Variants in AFF3 observed in about 807,000 individuals in gnomAD.
AFF3 encodes ALF transcription elongation factor 3.
Under a neutral mutation model 129.7 loss-of-function variants are expected in AFF3, and 32 were observed. The ratio of observed to expected loss-of-function variants is 0.25; its 90% CI spans 0.19 to 0.33. The LOEUF is 0.33. AFF3 is among the 10% of genes least tolerant of loss of function. AFF3 has a pLI of 1.00. For missense variants in AFF3, 1,373 were observed against 1,592.0 expected (o/e 0.86, Z 2.34); for synonymous variants, 644 against 635.4 (o/e 1.01, Z -0.20).
chr2:100,140,610 C>A (rs13008652), intron 1 of AFF3, among the ~76,000 whole-genome samples: 1 of 152,096 alleles, frequency 6.6e-6, no homozygotes, highest in Non-Finnish European at 1.5e-5. Flanking sequence ...TGTAAAATGC[C>A]GAGCACCACG....
At chr2:99,901,930 C>T in intron 7 of AFF3, among the ~76,000 whole-genome samples, 1 of 151,468 alleles carries the variant, frequency 6.6e-6, no homozygotes, top group African/African-American at 2.4e-5. Flanking sequence ...CTTTCAGCTC[C>T]TGTCACAACT....
chr2:100,106,986 G>A (rs1691332290), intron 2 of AFF3: 1 of 985,282 alleles, frequency 1.0e-6, no homozygotes, highest in African/African-American at 1.7e-5. Context: ...TTAAACTCTG[G>A]TGCCTTGTGT....
chr2:99,685,585 A>T (rs1674977713), intron 11 of AFF3, among the ~76,000 whole-genome samples: 1 of 152,260 alleles, frequency 6.6e-6, no homozygotes, highest in Admixed American at 6.5e-5. Context: ...ATATAAAAAA[A>T]GAGTAAAACT....
intron 11 of AFF3, among the ~76,000 whole-genome samples, chr2:99,711,180 A>T (rs1036933490): frequency 3.3e-5 from 5 of 151,956 alleles, no homozygotes; most frequent in Non-Finnish European, 5.9e-5. Flanking sequence ...CTTCCTTAAC[A>T]TCTCTCCCGT....
chr2:99,745,255 T>TA (rs1681057846), intron 9 of AFF3, among the ~76,000 whole-genome samples: 2 of 152,308 alleles, frequency 1.3e-5, no homozygotes, highest in African/African-American at 4.8e-5. Flanking sequence ...GAGTTCTTGA[T>TA]ATAGTTTGGA....
At chr2:99,887,159 G>A (rs1293254557) in intron 7 of AFF3, among the ~76,000 whole-genome samples, 1 of 152,180 alleles carries the variant, frequency 6.6e-6, no homozygotes, top group Non-Finnish European at 1.5e-5. Context: ...AATCCTCTCT[G>A]TCATGTTCAA....
At chr2:99,849,932 T>C (rs919921695) in intron 7 of AFF3, among the ~76,000 whole-genome samples, 1 of 152,242 alleles carries the variant, frequency 6.6e-6, no homozygotes, top group African/African-American at 2.4e-5. Context: ...GTGTTCAGCA[T>C]GTCCTATATG....
At chr2:99,746,489 A>G (rs1369544860) in intron 9 of AFF3, among the ~76,000 whole-genome samples, 1 of 152,222 alleles carries the variant, frequency 6.6e-6, no homozygotes, top group Non-Finnish European at 1.5e-5. Flanking sequence ...CACTCTATTA[A>G]ACAGCCTGAG....
chr2:99,742,689 T>C (rs1680817193), intron 10 of AFF3, among the ~76,000 whole-genome samples: 1 of 152,204 alleles, frequency 6.6e-6, no homozygotes, highest in African/African-American at 2.4e-5. Context: ...ATTCTAGCTG[T>C]CATTTTTTTA....
intron 4 of AFF3, among the ~76,000 whole-genome samples, chr2:100,068,127 C>T (rs868850606): frequency 1.3e-5 from 2 of 152,184 alleles, no homozygotes; most frequent in African/African-American, 4.8e-5. Context: ...GGAATTGAGA[C>T]GCCAGCTCGC....
intron 11 of AFF3, among the ~76,000 whole-genome samples, chr2:99,697,503 G>A (rs1676408495): frequency 6.6e-6 from 1 of 152,242 alleles, no homozygotes; most frequent in Admixed American, 6.5e-5. Flanking sequence ...GTGAGGAAGA[G>A]CAATTTGTAA....
At chr2:99,647,046 T>C (rs1684758650) in intron 13 of AFF3, among the ~76,000 whole-genome samples, 1 of 152,180 alleles carries the variant, frequency 6.6e-6, no homozygotes, top group Admixed American at 6.5e-5. Context: ...TTGTACACTG[T>C]TGGTGGGAGT....
chr2:99,767,183 A>G (rs1683086415), intron 8 of AFF3, among the ~76,000 whole-genome samples: 1 of 152,254 alleles, frequency 6.6e-6, no homozygotes, highest in African/African-American at 2.4e-5. Flanking sequence ...AAAGCAGAAT[A>G]CAACAGACAT....
At chr2:99,766,172 C>A (rs543188066) in intron 8 of AFF3, among the ~76,000 whole-genome samples, 2 of 152,204 alleles carry the variant, frequency 1.3e-5, no homozygotes. Context: ...CAAGAATAAA[C>A]CCTGGAAACT....
chr2:99,668,075 G>A (rs915219439), intron 12 of AFF3, among the ~76,000 whole-genome samples: 4 of 151,948 alleles, frequency 2.6e-5, no homozygotes, highest in African/African-American at 4.8e-5. Flanking sequence ...GGCGAATGGC[G>A]TGAACCCAGG....
intron 8 of AFF3, among the ~76,000 whole-genome samples, chr2:99,821,251 C>T (rs1003581114): frequency 9.2e-5 from 14 of 152,142 alleles, no homozygotes; most frequent in African/African-American, 2.7e-4. Context: ...GACAACAATG[C>T]CATCTTCTGG....
intron 13 of AFF3, among the ~76,000 whole-genome samples, chr2:99,616,248 G>A (rs897581056): frequency 2.2e-4 from 33 of 152,036 alleles, no homozygotes; most frequent in African/African-American, 7.2e-4. Flanking sequence ...TTTTCAGTTC[G>A]AGGAGGCCTT....
intron 13 of AFF3, among the ~76,000 whole-genome samples, chr2:99,632,215 G>A (rs751026838): frequency 4.0e-5 from 6 of 151,878 alleles, no homozygotes; most frequent in Admixed American, 6.6e-5. Context: ...GGGTTTCACC[G>A]TGTTGGCCAG....
chr2:99,886,292 A>G (rs2106047282), intron 7 of AFF3, among the ~76,000 whole-genome samples: 1 of 152,232 alleles, frequency 6.6e-6, no homozygotes, highest in Non-Finnish European at 1.5e-5. Flanking sequence ...TGGAGCACTT[A>G]CTTTGTCCCT....
Sources: allele counts gnomAD v4.1 joint callset (sites outside exome capture counted in the v4.1 genomes callset), GRCh38; gene constraint gnomAD v4.1.1; transcripts MANE v1.5; gene names NCBI Gene and HGNC (gene_info 2026-07-23, HGNC 2026-07-21).